TEC: variants seen among roughly 807,000 people sequenced by gnomAD.
TEC encodes tec protein tyrosine kinase, also known as tyrosine-protein kinase Tec.
In TEC, 72 loss-of-function variants were observed where a neutral mutation model predicts 93.0. The observed-to-expected ratio is 0.77, with a 90% CI of 0.64 to 0.94. The LOEUF (loss-of-function observed/expected upper bound fraction) is 0.94. Ranked by LOEUF, TEC falls within the 40% of genes least tolerant of loss-of-function variation. The pLI is 0.00. For synonymous variants in TEC, 249 were observed against 247.7 expected (o/e 1.01, Z -0.05); for missense variants, 630 against 757.9 (o/e 0.83, Z 1.98).
At chr4:48,156,636 A>T in intron 9 of TEC, 44 bp downstream of exon 9, 1 of 1,570,196 alleles carries the variant, frequency 6.4e-7, no homozygotes, top group Non-Finnish European at 8.7e-7. Flanking sequence ...GACTCATTAA[A>T]ATTAATTTGC....
At chr4:48,213,207 A>G (rs1345049031) in intron 2 of TEC, among the ~76,000 whole-genome samples, 1 of 152,220 alleles carries the variant, frequency 6.6e-6, no homozygotes, top group Admixed American at 6.5e-5. Flanking sequence ...TTCCTTTCCA[A>G]TAATCTATTA....
Position 48,141,822 on chromosome 4 carries a change from A to G in TEC, c.1471-403T>C, listed in dbSNP as rs111997140. 1,231 of 174,242 alleles carry G rather than the reference A, an allele frequency of 7.1e-3. 14 individuals carry two copies. The highest frequency in any genetic ancestry group is 0.025 in the African/African-American group (1,044 of 41,630). The allele number at this position is 174,242 out of a possible 1,614,324, so 10.8% of individuals were successfully genotyped here. On this transcript the variant is annotated intron_variant, in intron 14 of 17. Transcript: ENST00000381501. ...CCCAGCCTCCAGAGTAGCTGGGATTACAGGCACCCACCACCACAGCCAGCT... is the reference window on the plus strand; with the variant it reads ...CCCAGCCTCCAGAGTAGCTGGGATTGCAGGCACCCACCACCACAGCCAGCT...
chr4:48,146,479 G>T, intron 11 of TEC, 80 bp from the exon 12 acceptor site: 1 of 1,282,012 alleles, frequency 7.8e-7, no homozygotes. Flanking sequence ...AACTCACTTA[G>T]AAAATTCATC....
At chr4:48,168,820 T>C (rs1167678870) in intron 5 of TEC, among the ~76,000 whole-genome samples, 194 bp from the exon 6 acceptor site, 1 of 152,250 alleles carries the variant, frequency 6.6e-6, no homozygotes, top group Non-Finnish European at 1.5e-5. Context: ...CTGGTTTGTA[T>C]TTCTGCCTTT....
intron 15 of TEC, among the ~76,000 whole-genome samples, chr4:48,140,268 G>A (rs1329129000): frequency 6.6e-6 from 1 of 152,272 alleles, no homozygotes; most frequent in South Asian, 2.1e-4. Flanking sequence ...CTACCCTGGC[G>A]CTTTTTCCGT....
intron 1 of TEC, among the ~76,000 whole-genome samples, chr4:48,230,874 G>A (rs952311101): frequency 7.9e-5 from 12 of 152,070 alleles, no homozygotes; most frequent in Non-Finnish European, 1.6e-4. Flanking sequence ...CCTTGATGTA[G>A]TCTCTCCTAA....
intron 2 of TEC, among the ~76,000 whole-genome samples, chr4:48,179,597 C>A (rs968595622): frequency 6.6e-6 from 1 of 151,186 alleles, no homozygotes; most frequent in Non-Finnish European, 1.5e-5. Context: ...TCAGGTTGGC[C>A]GGGCTGGTCT....
At chr4:48,175,197 T>C (rs918714091) in intron 3 of TEC, among the ~76,000 whole-genome samples, 1 of 152,342 alleles carries the variant, frequency 6.6e-6, no homozygotes, top group Admixed American at 6.5e-5. Context: ...GCTTGGATAT[T>C]TTGGCTCACT....
Position 48,214,845 on chromosome 4 carries a change from C to A in TEC, c.138+13632G>T, listed in dbSNP as rs115099986. Among the ~76,000 whole-genome samples the A allele has an allele frequency of 7.0e-3, 1,059 of 151,930 alleles. 10 individuals are homozygous for A. Among genetic ancestry groups the A allele is most frequent in the African/African-American group, 0.024 (997 of 41,414 alleles). ...CTCCAACCCGGATGACAGAGCAAGA[C>A]CCTGTCTCAAAAATAAAAATAATTA... On this transcript the variant is annotated intron_variant, in intron 2 of 17. Coordinates refer to ENST00000381501, the MANE Select transcript of TEC (RefSeq NM_003215.3).
intron 2 of TEC, among the ~76,000 whole-genome samples, chr4:48,211,548 C>G (rs571331451): frequency 1.3e-5 from 2 of 152,280 alleles, no homozygotes; most frequent in East Asian, 3.9e-4. Flanking sequence ...CAAAAATGAG[C>G]TTACTTTACT....
At chr4:48,268,954 A>C (rs1360420369) in intron 1 of TEC, among the ~76,000 whole-genome samples, 6 of 152,224 alleles carry the variant, frequency 3.9e-5, no homozygotes, top group Admixed American at 6.5e-5. Context: ...GGAAAAATAA[A>C]ATAAAATAAA....
rs142292063 is a variant in TEC at position 48,241,438 on chromosome 4, G to T, written c.-45-12779C>A. Among the ~76,000 whole-genome samples the T allele has an allele frequency of 7.4e-4, 112 of 152,246 alleles. No individual in the cohort carries two copies. In the East Asian group the frequency reaches 0.019, roughly 26 times the overall value. On this transcript the variant is annotated intron_variant, in intron 1 of 17. Transcript: ENST00000381501. Reference sequence around the variant, plus strand: ...GAACCCAGCCACCATACTGAGAAAAGCTCACTGCAAGGAGAGAAATCACAT... The same window carrying T: ...GAACCCAGCCACCATACTGAGAAAATCTCACTGCAAGGAGAGAAATCACAT...
intron 2 of TEC, among the ~76,000 whole-genome samples, chr4:48,177,294 C>A (rs1033007246): frequency 6.6e-6 from 1 of 152,148 alleles, no homozygotes; most frequent in African/African-American, 2.4e-5. Context: ...GAATTCCACA[C>A]AAAAGTTGCA....
chr4:48,268,570 C>T (rs182670279), intron 1 of TEC, among the ~76,000 whole-genome samples: 5 of 152,346 alleles, frequency 3.3e-5, no homozygotes, highest in Admixed American at 2.0e-4. Context: ...ATCTTAATAT[C>T]CCTTACTCCA....
At chr4:48,233,384 C>G (rs1723698238) in intron 1 of TEC, among the ~76,000 whole-genome samples, 1 of 148,726 alleles carries the variant, frequency 6.7e-6, no homozygotes, top group African/African-American at 2.5e-5. Flanking sequence ...GGCTATGTTG[C>G]CCAGGCCGGA....
At chr4:48,223,796 C>T (rs940973632) in intron 2 of TEC, among the ~76,000 whole-genome samples, 21 of 152,326 alleles carry the variant, frequency 1.4e-4, no homozygotes, top group African/African-American at 4.8e-4. Flanking sequence ...TGTACCTAAA[C>T]TGTACAATGC....
At chr4:48,266,105 A>G (rs1724632633) in intron 1 of TEC, among the ~76,000 whole-genome samples, 1 of 152,244 alleles carries the variant, frequency 6.6e-6, no homozygotes, top group African/African-American at 2.4e-5. Flanking sequence ...GCCATCTTAG[A>G]AATCTACACT....
chr4:48,153,373 C>T lies in TEC; in HGVS notation c.793-2431G>A, dbSNP rs189142196. ...AGGATGAGCCACTACAGGAGACTCT[C>T]CCGGCCAGGGAATACACTGCTGCAG... is the stretch of plus-strand genomic sequence containing the variant. On this transcript the variant is annotated intron_variant, in intron 9 of 17. Transcript: ENST00000381501. 3.3e-5 allele frequency: 5 copies of T among 152,306 alleles called. No individual in the cohort carries two copies. In the East Asian group the frequency reaches 9.7e-4, roughly 29 times the overall value. The allele number at this position is 152,306 out of a possible 1,614,324, so 9.4% of individuals were successfully genotyped here.
intron 1 of TEC, among the ~76,000 whole-genome samples, chr4:48,241,348 T>A (rs1723917956): frequency 6.6e-6 from 1 of 152,174 alleles, no homozygotes; most frequent in South Asian, 2.1e-4. Context: ...GACTAGGACA[T>A]AAAAGCCCAA....
Sources: gnomAD v4.1 joint callset for allele counts (sites outside exome capture counted in the v4.1 genomes callset) on GRCh38, gnomAD v4.1.1 for gene constraint, MANE v1.5 for transcripts, NCBI Gene and HGNC (gene_info 2026-07-23, HGNC 2026-07-21) for gene names.